Variants in MGRN1 observed in about 807,000 individuals in gnomAD.
MGRN1 encodes mahogunin ring finger 1, also known as E3 ubiquitin-protein ligase MGRN1.
Under a neutral mutation model 69.2 loss-of-function variants are expected in MGRN1, and 29 were observed. The ratio of observed to expected loss-of-function variants is 0.42; its 90% CI spans 0.31 to 0.57. The LOEUF (loss-of-function observed/expected upper bound fraction) is 0.57. Among genes scored for constraint, MGRN1 ranks in the 20% least tolerant of loss-of-function variants. The pLI, the probability that MGRN1 is intolerant of heterozygous loss-of-function variation, is 0.15. For synonymous variants in MGRN1, 470 were observed against 344.2 expected, an observed-to-expected ratio of 1.37 and a Z score of -4.04; for missense variants, 998 against 796.2, an observed-to-expected ratio of 1.25 and a Z score of -3.05.
chr16:4,685,057 A>G (rs1182445052), intron 16 of MGRN1, among the ~76,000 whole-genome samples: 1 of 152,232 alleles, frequency 6.6e-6, no homozygotes, highest in East Asian at 1.9e-4. Context: ...AGGAGCAGGC[A>G]CTGCCTCTGG....
rs747300145 is a variant in MGRN1, at chr16:4,668,284, C to T, written c.698C>T (p.Ser233Phe). 2 of 1,614,142 alleles carry T rather than the reference C, an allele frequency of 1.2e-6. No individual in the cohort carries two copies. The highest frequency in any genetic ancestry group is 1.1e-5 in the South Asian group (1 of 91,082). The change falls in exon 8 of 17, where the codon TCT becomes TTT. Residue 233 changes from serine to phenylalanine, a missense_variant. By Grantham distance (155) the Ser-to-Phe change is radical. Coordinates refer to ENST00000262370, the MANE Select transcript of MGRN1 (RefSeq NM_015246.4). ...CTGCAGCACATGGACGGCAGCTTCT[C>T]TGTGAAGCCTTTAAAGCAGAAGCAA... ...AFEKHMDGSFSVKPLKQKQIV... is the reference protein window; with the variant it reads ...AFEKHMDGSFFVKPLKQKQIV...
At chr16:4,682,196 C>G (rs2079200983) in intron 13 of MGRN1, among the ~76,000 whole-genome samples, 1 of 152,206 alleles carries the variant, frequency 6.6e-6, no homozygotes, top group Non-Finnish European at 1.5e-5. Flanking sequence ...TGACAGTGAC[C>G]CAGGCACACT....
At chr16:4,650,339 A>G (rs1251956322) in intron 1 of MGRN1, 26 bp from the exon 2 acceptor site, 8 of 1,522,526 alleles carry the variant, frequency 5.3e-6, no homozygotes, top group Admixed American at 3.9e-5. Context: ...AAAAAAATCT[A>G]TAATCGTGTT....
At position 4,665,172 on chromosome 16, in the gene MGRN1, A is replaced by G. The variant is rs937443422; in HGVS notation, c.678+21A>G. ...AAAAGGTAAGTGCCATCTGGCCATC[A>G]CTTTCCCGGGGACCTGGGAGCTGGG... is the stretch of plus-strand genomic sequence containing the variant. On this transcript the variant is annotated intron_variant, in intron 7 of 16. Coordinates refer to ENST00000262370, the MANE Select transcript of MGRN1 (RefSeq NM_015246.4). 5 of 1,613,738 alleles carry G rather than the reference A, an allele frequency of 3.1e-6. No homozygotes were observed. The South Asian group carries it at 3.3e-5, about 11-fold the overall frequency.
chr16:4,654,083 C>T (rs545158445), intron 4 of MGRN1, among the ~76,000 whole-genome samples: 33 of 152,180 alleles, frequency 2.2e-4, no homozygotes, highest in Admixed American at 3.9e-4. Context: ...TGTTTTTCCT[C>T]GGGAGCTCTT....
intron 1 of MGRN1, among the ~76,000 whole-genome samples, chr16:4,647,392 T>G (rs2078296610): frequency 4.6e-5 from 7 of 152,216 alleles, no homozygotes; most frequent in Admixed American, 3.3e-4. Flanking sequence ...TGTATTTCAA[T>G]GTGGTGGGGC....
rs1474509251 is a variant in MGRN1 at position 4,673,610 on chromosome 16, C to T, written c.908C>T (p.Ala303Val). ...CACCTGTGCCTCTGTACCTCCTGCG[C>T]CGACACGCTGCGCTACCAGGCCAAC... ...CRHLCLCTSC[A>V]DTLRYQANNC... The change falls in exon 10 of 17, where the codon GCC becomes GTC. Residue 303 changes from alanine to valine, a missense_variant. Ala to Val is a moderately conservative substitution (Grantham distance 64, BLOSUM62 0). Transcript: ENST00000262370. 1 of 1,613,602 alleles carries T rather than the reference C, an allele frequency of 6.2e-7. No homozygotes were observed. Among genetic ancestry groups the T allele is most frequent in the Non-Finnish European group, 8.5e-7 (1 of 1,179,932 alleles).
chr16:4,629,861 C>A (rs561023511), intron 1 of MGRN1, among the ~76,000 whole-genome samples: 58 of 151,828 alleles, frequency 3.8e-4, no homozygotes, highest in African/African-American at 1.4e-3. Context: ...GCCTGGCCAA[C>A]AAGGTGAAAC....
chr16:4,661,361 C>T (rs2078676658), intron 5 of MGRN1, among the ~76,000 whole-genome samples: 2 of 152,240 alleles, frequency 1.3e-5, no homozygotes, highest in Admixed American at 6.5e-5. Context: ...ACCTTTCGCA[C>T]CCTTTTCTCC....
At chr16:4,687,510 AT>A (rs2079355468) in intron 16 of MGRN1, 1 of 981,082 alleles carries the variant, frequency 1.0e-6, no homozygotes, top group Non-Finnish European at 1.2e-6. Context: ...CGCTGTCTCA[AT>A]AAAAAAAAAT....
chr16:4,681,710 C>A lies in MGRN1; in HGVS notation c.1292C>A (p.Ala431Glu), dbSNP rs755361053. Residue 431 changes from alanine (A) to glutamate (E), a missense_variant, in exon 13 of 17, where the codon GCG (alanine) becomes GAG (glutamate). Physicochemically the swap from Ala to Glu is moderately radical, Grantham distance 107 (BLOSUM62 -1). Coordinates refer to ENST00000262370, the MANE Select transcript of MGRN1 (RefSeq NM_015246.4). The part of the protein sequence containing the change: ...DGLSQASCPL[A>E]AIDHILDSSR... Reference sequence around the variant, plus strand: ...CTGTCCCAGGCCAGCTGTCCCCTCGCGGCTATCGACCACATCCTGGACAGC... The same window carrying A: ...CTGTCCCAGGCCAGCTGTCCCCTCGAGGCTATCGACCACATCCTGGACAGC... The A allele has an allele frequency of 1.9e-6, 3 of 1,613,294 alleles. No homozygotes were observed. Among genetic ancestry groups the A allele is most frequent in the Non-Finnish European group, 2.5e-6 (3 of 1,179,958 alleles).
rs1208421635 is a variant in MGRN1 at position 4,681,633 on chromosome 16, C to G, written c.1215C>G (p.Ile405Met). The change falls in exon 13 of 17, where the codon ATC becomes ATG. Residue 405 changes from isoleucine to methionine, a missense_variant. Coordinates refer to ENST00000262370, the MANE Select transcript of MGRN1 (RefSeq NM_015246.4). Reference protein sequence around the residue: ...LNGLRAVSPAIPSAPLYEEIT... With the variant: ...LNGLRAVSPAMPSAPLYEEIT... ...GCCTCCGGGCTGTCTCCCCGGCCATCCCCTCGGCCCCTCTTTATGAAGAAA... is the reference window on the plus strand; with the variant it reads ...GCCTCCGGGCTGTCTCCCCGGCCATGCCCTCGGCCCCTCTTTATGAAGAAA... 1.5e-5 allele frequency: 25 copies of G among 1,613,530 alleles called. No homozygotes were observed. The highest frequency in any genetic ancestry group is 2.1e-5 in the Non-Finnish European group (25 of 1,180,020).
rs1353402784 is a variant in MGRN1 at position 4,686,310 on chromosome 16, G to T, written c.1618+2378G>T. 6 of 1,544,598 alleles carry T rather than the reference G, an allele frequency of 3.9e-6. No homozygotes were observed. In the African/African-American group the frequency reaches 6.8e-5, roughly 18 times the overall value. On this transcript the variant is annotated intron_variant, in intron 16 of 16. Transcript: ENST00000262370. ...GGTATAGACGAGTAAGCCGGTACGT[G>T]ACCTCCCAGACGCGCTTCGGGGGCT...
chr16:4,671,530 G>A (rs937196030), intron 9 of MGRN1, 71 bp downstream of exon 9: 2 of 1,436,984 alleles, frequency 1.4e-6, no homozygotes, highest in African/African-American at 2.8e-5. Context: ...GGACAGCAAT[G>A]CTTGCCGGTT....
chr16:4,674,186 G>C (rs1275565154), intron 10 of MGRN1, among the ~76,000 whole-genome samples: 1 of 152,182 alleles, frequency 6.6e-6, no homozygotes, highest in Non-Finnish European at 1.5e-5. Context: ...GTTTTGCCAT[G>C]TTGGCCAGGC....
At chr16:4,683,180 C>A (rs201489244) in intron 14 of MGRN1, 44 bp from the exon 15 acceptor site, 3 of 1,608,476 alleles carry the variant, frequency 1.9e-6, no homozygotes, top group Non-Finnish European at 2.5e-6. Context: ...GAGCGGTGGC[C>A]GCGGCTCTCT....
intron 5 of MGRN1, among the ~76,000 whole-genome samples, chr16:4,657,784 C>G (rs139542531): frequency 0.016 from 1,962 of 124,370 alleles, 27 homozygotes; most frequent in Non-Finnish European, 0.023. Flanking sequence ...CTCGCTCTGT[C>G]GCCCAGGCTG....
At chr16:4,673,008 T>C (rs2078973174) in intron 9 of MGRN1, among the ~76,000 whole-genome samples, 1 of 152,054 alleles carries the variant, frequency 6.6e-6, no homozygotes, top group South Asian at 2.1e-4. Flanking sequence ...CCGGCTAATT[T>C]TTTGTATTTT....
chr16:4,662,543 TACTC>T lies in MGRN1; in HGVS notation c.562-2163_562-2160del, dbSNP rs534833881. Among the ~76,000 whole-genome samples, 15 of 151,804 alleles carry T rather than the reference TACTC, an allele frequency of 9.9e-5. No homozygotes were observed. The East Asian group carries it at 1.9e-3, about 20-fold the overall frequency. ...AAAAAAAAAAAAATCATAATAGTAA[TACTC>T]ACAACAACTGTAGCAGCCACCACAG... is the stretch of plus-strand genomic sequence containing the variant. On this transcript the variant is annotated intron_variant, in intron 5 of 16. Transcript: ENST00000262370.
Sources: gnomAD v4.1 joint callset for allele counts (sites outside exome capture counted in the v4.1 genomes callset) on GRCh38, gnomAD v4.1.1 for gene constraint, MANE v1.5 for transcripts, NCBI Gene and HGNC (gene_info 2026-07-23, HGNC 2026-07-21) for gene names.